GRIK2: variants seen among roughly 807,000 people sequenced by gnomAD.
GRIK2 encodes glutamate receptor ionotropic, kainate 2.
In GRIK2, 32 loss-of-function variants were observed where a neutral mutation model predicts 100.3. That is an observed-to-expected ratio of 0.32 (90% confidence interval 0.24 to 0.43). The LOEUF is 0.43. GRIK2 is among the 20% of genes least tolerant of loss of function. The probability of loss-of-function intolerance (pLI) is 1.00; values close to 1 mark genes in which losing one functional copy is unlikely to be tolerated. For synonymous variants in GRIK2, 417 were observed against 389.4 expected (o/e 1.07, Z -0.83); for missense variants, 843 against 1,114.9 (o/e 0.76, Z 3.47).
chr6:101,580,393 T>A (rs928704360), intron 2 of GRIK2, among the ~76,000 whole-genome samples: 5 of 152,112 alleles, frequency 3.3e-5, no homozygotes, highest in Non-Finnish European at 5.9e-5. Flanking sequence ...CCATGTGTGA[T>A]CTGTTAGTCA....
chr6:101,999,261 A>G (rs1047086700), intron 14 of GRIK2, among the ~76,000 whole-genome samples: 4 of 152,100 alleles, frequency 2.6e-5, no homozygotes, highest in African/African-American at 9.7e-5. Context: ...TCAGCAAGCC[A>G]AATTCTATAA....
intron 10 of GRIK2, among the ~76,000 whole-genome samples, chr6:101,826,532 AG>A (rs1782343489): frequency 6.6e-6 from 1 of 152,018 alleles, no homozygotes; most frequent in Admixed American, 6.6e-5. Flanking sequence ...TATTTATGTA[AG>A]GGGATAATAA....
intron 7 of GRIK2, among the ~76,000 whole-genome samples, chr6:101,785,812 T>C (rs1445290327): frequency 2.6e-5 from 4 of 152,152 alleles, no homozygotes; most frequent in African/African-American, 9.6e-5. Flanking sequence ...CTGTTTTGGT[T>C]CCATATGAAT....
In GRIK2 at chr6:101,497,031, G is replaced by A. The variant is rs1773481737; in HGVS notation, c.115+97639G>A. Reference sequence around the variant, plus strand: ...TCTAATTCACCCTGTCTCCTCTAATGTTCTGCTCACTCACTCTGCTCCAGT... The same window carrying A: ...TCTAATTCACCCTGTCTCCTCTAATATTCTGCTCACTCACTCTGCTCCAGT... On this transcript the variant is annotated intron_variant, in intron 2 of 16. Coordinates refer to ENST00000369134, the MANE Select transcript of GRIK2 (RefSeq NM_021956.5). 2.0e-5 allele frequency among the ~76,000 whole-genome samples: 3 copies of A among 152,242 alleles called. No individual in the cohort carries two copies. The South Asian group carries it at 6.2e-4, about 32-fold the overall frequency.
rs569666202 is a variant in GRIK2 at position 101,514,777 on chromosome 6, ATAAAG to A, written c.116-107168_116-107164del. ...CATGTCTCTTTAAGTTTTTTTGAGAATAAAGTAAGGTCGCTGTTTTATGTAGACTC... is the reference window on the plus strand; with the variant it reads ...CATGTCTCTTTAAGTTTTTTTGAGAATAAGGTCGCTGTTTTATGTAGACTC... On this transcript the variant is annotated intron_variant, in intron 2 of 16. Coordinates refer to ENST00000369134, the MANE Select transcript of GRIK2 (RefSeq NM_021956.5). Among the ~76,000 whole-genome samples, 7 of 152,278 alleles carry A rather than the reference ATAAAG, an allele frequency of 4.6e-5. No homozygotes were observed. In the East Asian group the frequency reaches 1.4e-3, roughly 29 times the overall value.
chr6:101,755,159 T>TG (rs1319263096), intron 7 of GRIK2, among the ~76,000 whole-genome samples: 1 of 147,138 alleles, frequency 6.8e-6, no homozygotes, highest in Non-Finnish European at 1.5e-5. Context: ...TTTTTCTTTT[T>TG]GGTTTTTTTT....
intron 9 of GRIK2, among the ~76,000 whole-genome samples, chr6:101,812,230 A>G (rs1480448827): frequency 6.6e-6 from 1 of 151,754 alleles, no homozygotes; most frequent in Non-Finnish European, 1.5e-5. Flanking sequence ...TGCCAAATGA[A>G]TGAATGATAT....
chr6:101,868,902 A>G (rs1785215681), intron 11 of GRIK2, among the ~76,000 whole-genome samples: 1 of 151,946 alleles, frequency 6.6e-6, no homozygotes, highest in Non-Finnish European at 1.5e-5. Context: ...ACTGAGAAAC[A>G]TACAAACCCT....
chr6:101,950,124 T>C (rs1353598718), intron 14 of GRIK2, among the ~76,000 whole-genome samples: 1 of 152,180 alleles, frequency 6.6e-6, no homozygotes, highest in Non-Finnish European at 1.5e-5. Context: ...CAGCCTGTTT[T>C]GTAAGTTTTT....
chr6:102,027,926 AACCTT>A (rs1769788809), intron 14 of GRIK2, among the ~76,000 whole-genome samples: 1 of 151,152 alleles, frequency 6.6e-6, no homozygotes, highest in Admixed American at 6.6e-5. Flanking sequence ...TTCAAGAGTA[AACCTT>A]ACCTTATTAG....
chr6:101,635,510 C>G (rs993543715), intron 4 of GRIK2, among the ~76,000 whole-genome samples: 1 of 152,070 alleles, frequency 6.6e-6, no homozygotes, highest in African/African-American at 2.4e-5. Context: ...CTAATGGGAT[C>G]TAATTAAACT....
At chr6:101,795,391 G>C (rs113133413) in intron 7 of GRIK2, among the ~76,000 whole-genome samples, 2 of 152,140 alleles carry the variant, frequency 1.3e-5, no homozygotes, top group African/African-American at 4.8e-5. Context: ...AGGAGTGCCA[G>C]GTAGTTCAGT....
intron 12 of GRIK2, among the ~76,000 whole-genome samples, chr6:101,902,770 C>G (rs1486438127): frequency 1.3e-5 from 2 of 151,746 alleles, no homozygotes; most frequent in African/African-American, 4.8e-5. Context: ...GAATAAAACT[C>G]TTTAAGATAA....
intron 7 of GRIK2, among the ~76,000 whole-genome samples, chr6:101,742,941 A>T (rs745599191): frequency 6.6e-6 from 1 of 152,242 alleles, no homozygotes; most frequent in African/African-American, 2.4e-5. Flanking sequence ...GACGAAGTCC[A>T]TTCACATGGT....
At chr6:101,521,548 A>T (rs2852543) in intron 2 of GRIK2, among the ~76,000 whole-genome samples, 63,737 of 151,674 alleles carry the variant, frequency 0.42, 13,621 homozygotes, top group South Asian at 0.58. Context: ...TTATAGTTTT[A>T]AAATTTCTTT....
chr6:101,591,291 T>A (rs1778627677), intron 2 of GRIK2, among the ~76,000 whole-genome samples: 1 of 151,758 alleles, frequency 6.6e-6, no homozygotes, highest in African/African-American at 2.4e-5. Context: ...TTCTCTCCTT[T>A]TTTTTTTGCT....
At chr6:101,799,204 A>G (rs1405667510) in intron 7 of GRIK2, among the ~76,000 whole-genome samples, 1 of 152,066 alleles carries the variant, frequency 6.6e-6, no homozygotes, top group Non-Finnish European at 1.5e-5. Context: ...TTCCTATAAA[A>G]GGAAACTGTT....
At chr6:102,047,307 G>A (rs2114477376) in intron 15 of GRIK2, among the ~76,000 whole-genome samples, 1 of 152,012 alleles carries the variant, frequency 6.6e-6, no homozygotes, top group African/African-American at 2.4e-5. Context: ...CCTTTTACTA[G>A]GCTAAGGGCA....
At chr6:102,021,576 TA>T (rs1476890879) in intron 14 of GRIK2, among the ~76,000 whole-genome samples, 1 of 151,654 alleles carries the variant, frequency 6.6e-6, no homozygotes, top group African/African-American at 2.4e-5. Flanking sequence ...AACCCATTAA[TA>T]ATAATAGAGG....
Sources: allele counts gnomAD v4.1 joint callset (sites outside exome capture counted in the v4.1 genomes callset), GRCh38; gene constraint gnomAD v4.1.1; transcripts MANE v1.5; gene names NCBI Gene and HGNC (gene_info 2026-07-23, HGNC 2026-07-21).